Variants in MCC observed in about 807,000 individuals in gnomAD.
The protein encoded by MCC is colorectal mutant cancer protein.
A neutral mutation model predicts 116.2 loss-of-function variants in MCC; 90 were observed. The ratio of observed to expected loss-of-function variants is 0.77; its 90% CI spans 0.65 to 0.92. The LOEUF (loss-of-function observed/expected upper bound fraction) is 0.92. MCC is among the 40% of genes least tolerant of loss of function. The probability of loss-of-function intolerance (pLI) is 0.00; values close to 1 mark genes in which losing one functional copy is unlikely to be tolerated. For synonymous variants in MCC, 578 were observed against 510.5 expected (o/e 1.13, Z -1.78); for missense variants, 1,516 against 1,312.2 (o/e 1.16, Z -2.40).
Position 113,025,023 on chromosome 5 carries a change from T to TAAAGGA in MCC, c.*2278_*2279insTCCTTT, listed in dbSNP as rs142710577. The TAAAGGA allele has an allele frequency of 6.6e-6, 1 of 151,940 alleles. No individual in the cohort carries two copies. The highest frequency in any genetic ancestry group is 2.4e-5 in the African/African-American group (1 of 41,362). 9.4% of individuals were successfully genotyped at this position (151,940 alleles called of 1,614,324 possible). A position where few individuals can be genotyped will look rare whatever the true frequency, so the allele number is the denominator to read the frequency against. ...TGGAGCCGCCTCTGCCTGGGGGAAT[T>TAAAGGA]CTCAGAGAAGGGGAGGTTCTCTGAT... On this transcript the variant is annotated 3_prime_UTR_variant, in exon 19 of 19. Coordinates refer to ENST00000408903, the MANE Select transcript of MCC (RefSeq NM_001085377.2).
chr5:113,219,929 G>C (rs561325166), intron 3 of MCC, among the ~76,000 whole-genome samples: 2 of 151,544 alleles, frequency 1.3e-5, no homozygotes, highest in African/African-American at 2.4e-5. Flanking sequence ...ACATCCTCCC[G>C]GTCAGTGCCA....
At position 113,096,390 on chromosome 5, in the gene MCC, G is replaced by A. The variant is rs112700859; in HGVS notation, c.1398+5349C>T. Among the ~76,000 whole-genome samples, 1,354 of 152,294 alleles carry A rather than the reference G, an allele frequency of 8.9e-3. 24 individuals carry two copies. Among genetic ancestry groups the A allele is most frequent in the African/African-American group, 0.031 (1,285 of 41,558 alleles). On this transcript the variant is annotated intron_variant, in intron 8 of 18. Coordinates refer to ENST00000408903, the MANE Select transcript of MCC (RefSeq NM_001085377.2). ...GACTCTGGCTCATGGAAAGGCCTGG[G>A]CACACATCCTCTCAAAGAGCTTCCC...
chr5:113,145,748 A>C (rs1197556442), intron 4 of MCC, among the ~76,000 whole-genome samples: 3 of 18,056 alleles, frequency 1.7e-4, no homozygotes, highest in Admixed American at 6.1e-4. Flanking sequence ...ACACACACAC[A>C]CACACACACA....
intron 1 of MCC, among the ~76,000 whole-genome samples, chr5:113,401,275 T>C (rs924411628): frequency 2.0e-5 from 3 of 152,202 alleles, no homozygotes; most frequent in East Asian, 1.9e-4. Flanking sequence ...GTATTTAATA[T>C]ATAAAAGATT....
rs766203251 is a variant in MCC at position 113,053,977 on chromosome 5, C to G, written c.2214-18G>C. ...TGGTTGTGCTGAGAAAGAAGAAAAACAAAGACCCACCACCCTGTGTTATTC... is the reference window on the plus strand; with the variant it reads ...TGGTTGTGCTGAGAAAGAAGAAAAAGAAAGACCCACCACCCTGTGTTATTC... On this transcript the variant is annotated intron_variant, in intron 14 of 18. Coordinates refer to ENST00000408903, the MANE Select transcript of MCC (RefSeq NM_001085377.2). 12 of 1,564,680 alleles carry G rather than the reference C, an allele frequency of 7.7e-6. No homozygotes were observed. In the African/African-American group the frequency reaches 1.2e-4, roughly 16 times the overall value.
intron 1 of MCC, among the ~76,000 whole-genome samples, chr5:113,463,035 G>A (rs912892182): frequency 2.0e-5 from 3 of 152,148 alleles, no homozygotes; most frequent in Admixed American, 1.3e-4. Context: ...GGCCAGGGAA[G>A]GCTGAAAAAG....
chr5:113,379,438 C>A (rs545149160), intron 2 of MCC, among the ~76,000 whole-genome samples: 1 of 152,324 alleles, frequency 6.6e-6, no homozygotes, highest in Admixed American at 6.5e-5. Flanking sequence ...CTAAATCTTT[C>A]CAACTTCCCT....
At chr5:113,127,021 C>A (rs1584057) in intron 5 of MCC, among the ~76,000 whole-genome samples, 1,601 of 152,284 alleles carry the variant, frequency 0.011, 26 homozygotes, top group African/African-American at 0.036. Context: ...TCCCTCCTCC[C>A]ACCATCCACC....
rs151183145 is a variant in MCC, at chr5:113,046,685, C to CAA, written c.2655+2406_2655+2407dup. ...ACTGACTGCTAACAAACTCAAAAGG[C>CAA]AAAAAAAAAAAAAAAAAAAAAAAAA... On this transcript the variant is annotated intron_variant, in intron 16 of 18. Coordinates refer to ENST00000408903, the MANE Select transcript of MCC (RefSeq NM_001085377.2). Among the ~76,000 whole-genome samples the CAA allele has an allele frequency of 1.5e-4, 9 of 58,386 alleles. 1 individual carries two copies. In the South Asian group the frequency reaches 2.6e-3, roughly 17 times the overall value. The allele number at this position is 58,386 out of a possible 152,430, so 38.3% of individuals were successfully genotyped here.
rs1770769098 is a variant in MCC, at chr5:113,434,165, C to G, written c.171-48953G>C. The G allele has an allele frequency of 1.2e-6, 2 of 1,614,192 alleles. No homozygotes were observed. Among genetic ancestry groups the G allele is most frequent in the Non-Finnish European group, 8.5e-7 (1 of 1,180,022 alleles). ...TGACGCGGTGCTCCTTCTGGATACG[C>G]AGCATCTTCTTGATGTTGGAGTCGT... is the stretch of plus-strand genomic sequence containing the variant. On this transcript the variant is annotated intron_variant, in intron 1 of 18. Transcript: ENST00000408903. This position sits in a 1 kb window ranked among gnomAD's most constrained non-coding sequence, Gnocchi z 4.2.
intron 5 of MCC, among the ~76,000 whole-genome samples, chr5:113,133,937 A>T (rs950035102): frequency 2.6e-5 from 4 of 152,024 alleles, no homozygotes; most frequent in Non-Finnish European, 1.5e-5. Flanking sequence ...ATCTTTTGCT[A>T]AAAAAAATCA....
intron 5 of MCC, among the ~76,000 whole-genome samples, chr5:113,132,940 G>A (rs1430801379): frequency 6.6e-6 from 1 of 152,268 alleles, no homozygotes; most frequent in East Asian, 1.9e-4. Context: ...TTCTCTGATG[G>A]AGAACTCCCT....
At chr5:113,028,385 T>TGA (rs1489705120) in intron 18 of MCC, among the ~76,000 whole-genome samples, 1 of 152,258 alleles carries the variant, frequency 6.6e-6, no homozygotes, top group Non-Finnish European at 1.5e-5. Flanking sequence ...ATGCCATTTT[T>TGA]TTTTTTGTAA....
chr5:113,436,113 G>A (rs1203224800), intron 1 of MCC: 2 of 152,474 alleles, frequency 1.3e-5, no homozygotes, highest in Non-Finnish European at 2.9e-5. Flanking sequence ...GGCCCTTCAG[G>A]AGTGAGTTAG....
At chr5:113,136,923 C>T (rs1012998719) in intron 5 of MCC, among the ~76,000 whole-genome samples, 1 of 152,162 alleles carries the variant, frequency 6.6e-6, no homozygotes, top group Non-Finnish European at 1.5e-5. Flanking sequence ...GTGGGCATCC[C>T]TGTCTTATTC....
intron 15 of MCC, among the ~76,000 whole-genome samples, chr5:113,052,386 G>A (rs1389094540): frequency 6.6e-6 from 1 of 151,504 alleles, no homozygotes; most frequent in African/African-American, 2.4e-5. Context: ...ATCAGCCAAA[G>A]CAGCATGAGG....
chr5:113,233,949 G>T (rs776630845), intron 3 of MCC, among the ~76,000 whole-genome samples: 2 of 152,166 alleles, frequency 1.3e-5, no homozygotes, highest in Non-Finnish European at 2.9e-5. Context: ...AAAGAACAGG[G>T]AGATACAGTG....
chr5:113,108,695 T>C (rs370422415), intron 6 of MCC, among the ~76,000 whole-genome samples: 200 of 149,952 alleles, frequency 1.3e-3, no homozygotes, highest in African/African-American at 4.7e-3. Flanking sequence ...GATAACACAG[T>C]GCAGACACAA....
intron 3 of MCC, among the ~76,000 whole-genome samples, chr5:113,313,035 G>A (rs1767172193): frequency 6.6e-6 from 1 of 152,054 alleles, no homozygotes; most frequent in African/African-American, 2.4e-5. Flanking sequence ...AGAGAAATAT[G>A]AGCAATGTGC....
Sources: allele counts gnomAD v4.1 joint callset (sites outside exome capture counted in the v4.1 genomes callset), GRCh38; gene constraint gnomAD v4.1.1; non-coding constraint Gnocchi (gnomAD v3.1); transcripts MANE v1.5; gene names NCBI Gene and HGNC (gene_info 2026-07-23, HGNC 2026-07-21).